PTTG1IP2: variants seen among roughly 807,000 people sequenced by gnomAD.
PTTG1IP2 encodes PTTG1IP family member 2.
intron 3 of PTTG1IP2, among the ~76,000 whole-genome samples, chr7:90,488,486 C>A (rs1210370977): frequency 1.3e-5 from 2 of 151,964 alleles, no homozygotes; most frequent in Non-Finnish European, 2.9e-5. Flanking sequence ...TGCTGAAATT[C>A]AAACAATAAA....
intron 2 of PTTG1IP2, among the ~76,000 whole-genome samples, chr7:90,485,142 G>A (rs1236237512): frequency 2.6e-5 from 4 of 152,158 alleles, no homozygotes; most frequent in African/African-American, 7.2e-5. Flanking sequence ...GTAGAAAAGG[G>A]TGTGATTACC....
intron 1 of PTTG1IP2, among the ~76,000 whole-genome samples, chr7:90,474,734 C>T (rs776691030): frequency 1.6e-4 from 25 of 152,308 alleles, no homozygotes; most frequent in Admixed American, 4.6e-4. Context: ...AGTCCTCACC[C>T]ACACCACAGA....
At chr7:90,474,320 C>G (rs1186546029) in intron 1 of PTTG1IP2, among the ~76,000 whole-genome samples, 1 of 152,134 alleles carries the variant, frequency 6.6e-6, no homozygotes, top group East Asian at 1.9e-4. Context: ...TATAGTTATG[C>G]AGCACATGAC....
rs976701072 is a variant in PTTG1IP2 at position 90,488,865 on chromosome 7, T to G, written c.287-6T>G. On this transcript the variant is annotated splice_region_variant and splice_polypyrimidine_tract_variant and intron_variant, in intron 3 of 6. Transcript: ENST00000509356. ...CTTAAAATATATTTCTTTTTATACATTTCAGTTGACATGTTTGGAATCATG... is the reference window on the plus strand; with the variant it reads ...CTTAAAATATATTTCTTTTTATACAGTTCAGTTGACATGTTTGGAATCATG... 1 of 152,000 alleles carries G rather than the reference T, an allele frequency of 6.6e-6. No individual in the cohort carries two copies. Among genetic ancestry groups the G allele is most frequent in the East Asian group, 1.9e-4 (1 of 5,198 alleles). The allele number at this position is 152,000 out of a possible 1,614,324, so 9.4% of individuals were successfully genotyped here. A position where few individuals can be genotyped will look rare whatever the true frequency, so the allele number is the denominator to read the frequency against.
At chr7:90,488,534 A>G (rs769653001) in intron 3 of PTTG1IP2, among the ~76,000 whole-genome samples, 19 of 152,084 alleles carry the variant, frequency 1.2e-4, no homozygotes, top group Non-Finnish European at 2.4e-4. Flanking sequence ...TAGAGATACA[A>G]CAGCCTGAGG....
intron 6 of PTTG1IP2, among the ~76,000 whole-genome samples, chr7:90,507,252 C>T (rs1283568281): frequency 3.9e-5 from 6 of 152,072 alleles, no homozygotes; most frequent in Admixed American, 6.5e-5. Flanking sequence ...TAAAATAAAA[C>T]CACGTAAATG....
intron 4 of PTTG1IP2, among the ~76,000 whole-genome samples, chr7:90,490,644 A>G (rs1358028261): frequency 2.6e-5 from 4 of 152,164 alleles, no homozygotes; most frequent in African/African-American, 9.7e-5. Context: ...CAGAAAGAAG[A>G]ACCAATAGGG....
intron 2 of PTTG1IP2, among the ~76,000 whole-genome samples, chr7:90,480,408 T>C (rs1797802527): frequency 6.6e-6 from 1 of 152,166 alleles, no homozygotes; most frequent in African/African-American, 2.4e-5. Flanking sequence ...TCGTTAAATG[T>C]TTTATAAAGG....
rs192574757 is a variant in PTTG1IP2, at chr7:90,499,808, C to T, written c.*50+5378C>T. ...ATGTTGGCCAGGCTGGTCTTGAACT[C>T]CTCACCTCAAGTGATCCGCATGCCT... On this transcript the variant is annotated intron_variant, in intron 6 of 6. Transcript: ENST00000509356. Among the ~76,000 whole-genome samples the T allele has an allele frequency of 8.1e-4, 123 of 152,206 alleles. 2 individuals are homozygous for T. The highest frequency in any genetic ancestry group is 2.9e-3 in the African/African-American group (119 of 41,546).
At chr7:90,475,611 G>A (rs1797739412) in intron 1 of PTTG1IP2, among the ~76,000 whole-genome samples, 1 of 152,184 alleles carries the variant, frequency 6.6e-6, no homozygotes, top group South Asian at 2.1e-4. Flanking sequence ...AATGTAATAG[G>A]AGTTTCAGGA....
At chr7:90,497,985 G>A (rs1324174367) in intron 6 of PTTG1IP2, among the ~76,000 whole-genome samples, 2 of 151,664 alleles carry the variant, frequency 1.3e-5, no homozygotes, top group Non-Finnish European at 2.9e-5. Flanking sequence ...TTTGTTGAGT[G>A]CATGTATATT....
intron 2 of PTTG1IP2, among the ~76,000 whole-genome samples, chr7:90,480,922 A>G (rs894943865): frequency 1.3e-5 from 2 of 152,206 alleles, no homozygotes; most frequent in Non-Finnish European, 2.9e-5. Context: ...CTTAATCCCA[A>G]AAGGATTTGG....
intron 5 of PTTG1IP2, among the ~76,000 whole-genome samples, chr7:90,493,920 T>C (rs989324814): frequency 6.6e-5 from 10 of 152,180 alleles, no homozygotes; most frequent in African/African-American, 2.4e-4. Flanking sequence ...GGCTTCTGAT[T>C]GTGGAATAGG....
intron 1 of PTTG1IP2, among the ~76,000 whole-genome samples, chr7:90,478,113 A>AG (rs1554406283): frequency 3.3e-4 from 50 of 151,514 alleles, no homozygotes; most frequent in African/African-American, 8.5e-4. Context: ...AAAAAAAAAA[A>AG]AAAGAAAAAG....
intron 6 of PTTG1IP2, among the ~76,000 whole-genome samples, chr7:90,496,510 A>G (rs1025182588): frequency 2.0e-5 from 3 of 151,846 alleles, no homozygotes; most frequent in Non-Finnish European, 4.4e-5. Context: ...TTCTGATTTT[A>G]TTTAAGTCTC....
chr7:90,497,894 T>C lies in PTTG1IP2; in HGVS notation c.*50+3464T>C, dbSNP rs1165528335. Among the ~76,000 whole-genome samples, 9 of 152,246 alleles carry C rather than the reference T, an allele frequency of 5.9e-5. No homozygotes were observed. The East Asian group carries it at 1.5e-3, about 26-fold the overall frequency. On this transcript the variant is annotated intron_variant, in intron 6 of 6. Coordinates refer to ENST00000509356, the MANE Select transcript of PTTG1IP2 (RefSeq NM_001365443.2). ...TTTTGTCTGGATGTTATGTCCATTG[T>C]TGAGAGTGGGTTATTGAAGTCCCCT...
chr7:90,506,881 G>C (rs1043085709), intron 6 of PTTG1IP2, among the ~76,000 whole-genome samples: 1 of 151,668 alleles, frequency 6.6e-6, no homozygotes, highest in African/African-American at 2.4e-5. Flanking sequence ...ATTCATTTTG[G>C]TATTCTGTAT....
At chr7:90,495,269 CAGTAAGTTCTTAATA>C (rs1285664095) in intron 6 of PTTG1IP2, among the ~76,000 whole-genome samples, 6 of 152,192 alleles carry the variant, frequency 3.9e-5, no homozygotes, top group Non-Finnish European at 8.8e-5. Flanking sequence ...CCCCGACACT[CAGTAAGTTCTTAATA>C]AGTGTCACTT....
intron 2 of PTTG1IP2, among the ~76,000 whole-genome samples, chr7:90,485,074 T>C (rs1584693726): frequency 6.6e-6 from 1 of 151,910 alleles, no homozygotes; most frequent in African/African-American, 2.4e-5. Context: ...AGGAATAGGG[T>C]GAGGGAAAAC....
Sources: gnomAD v4.1 joint callset for allele counts (sites outside exome capture counted in the v4.1 genomes callset) on GRCh38, gnomAD v4.1.1 for gene constraint, MANE v1.5 for transcripts, NCBI Gene and HGNC (gene_info 2026-07-23, HGNC 2026-07-21) for gene names.